CMSS1: variants seen among roughly 807,000 people sequenced by gnomAD.
CMSS1 encodes the protein protein CMSS1.
CMSS1 carries 33 observed loss-of-function variants against 43.5 expected under a neutral mutation model. The observed-to-expected ratio is 0.76, with a 90% confidence interval of 0.57 to 1.01. The LOEUF is 1.01. Among genes scored for constraint, CMSS1 ranks in the 50% least tolerant of loss-of-function variants. The pLI, the probability that CMSS1 is intolerant of heterozygous loss-of-function variation, is 0.00. For synonymous variants in CMSS1, 115 were observed against 117.2 expected (o/e 0.98, Z 0.12); for missense variants, 313 against 326.4 (o/e 0.96, Z 0.32).
intron 1 of CMSS1, chr3:99,850,760 G>A: frequency 5.0e-6 from 8 of 1,614,124 alleles, no homozygotes; most frequent in Non-Finnish European, 6.8e-6. Context: ...ATTGTGTCTT[G>A]GTCTTGGTGA....
At chr3:100,138,282 G>A (rs1287135114) in intron 1 of CMSS1, among the ~76,000 whole-genome samples, 1 of 152,148 alleles carries the variant, frequency 6.6e-6, no homozygotes, top group Non-Finnish European at 1.5e-5. Context: ...ATAGGCATGG[G>A]CAAAGACTTC....
intron 1 of CMSS1, among the ~76,000 whole-genome samples, chr3:99,844,199 T>C (rs899623519): frequency 6.6e-6 from 1 of 152,172 alleles, no homozygotes; most frequent in Non-Finnish European, 1.5e-5. Context: ...AAGTACCGTT[T>C]TAGGGCACAA....
intron 1 of CMSS1, among the ~76,000 whole-genome samples, chr3:100,019,021 T>C (rs1314622230): frequency 6.6e-6 from 1 of 152,168 alleles, no homozygotes; most frequent in Non-Finnish European, 1.5e-5. Context: ...TTAGAATGAC[T>C]GTTATCAAAA....
intron 1 of CMSS1, among the ~76,000 whole-genome samples, chr3:100,066,517 CTTTTTTTTTTTT>C (rs545356638): frequency 7.8e-5 from 3 of 38,306 alleles, no homozygotes; most frequent in East Asian, 8.1e-4. Context: ...GGCTTTGCTT[CTTTTTTTTTTTT>C]TTTTTTTTTT....
chr3:99,833,338 T>C, intron 1 of CMSS1: 1 of 1,290,774 alleles, frequency 7.7e-7, no homozygotes. Flanking sequence ...GTTTTATCCA[T>C]AGATTCTCAA....
chr3:100,019,594 A>G (rs2064769392), intron 1 of CMSS1, among the ~76,000 whole-genome samples: 1 of 152,222 alleles, frequency 6.6e-6, no homozygotes, highest in South Asian at 2.1e-4. Flanking sequence ...AGACAGTAGT[A>G]GATACTTTTT....
intron 1 of CMSS1, among the ~76,000 whole-genome samples, chr3:99,904,139 G>C (rs1706533250): frequency 1.3e-5 from 2 of 152,192 alleles, no homozygotes; most frequent in African/African-American, 4.8e-5. Context: ...TGGCAATAGT[G>C]AGTGTGATGA....
At chr3:99,978,448 C>G (rs1709030552) in intron 1 of CMSS1, among the ~76,000 whole-genome samples, 1 of 152,126 alleles carries the variant, frequency 6.6e-6, no homozygotes, top group Non-Finnish European at 1.5e-5. Flanking sequence ...GAATACTAGT[C>G]AGCCATAAAA....
chr3:99,931,342 T>G (rs1707476746), intron 1 of CMSS1, among the ~76,000 whole-genome samples: 1 of 152,186 alleles, frequency 6.6e-6, no homozygotes, highest in Non-Finnish European at 1.5e-5. Flanking sequence ...AGGTCAGACC[T>G]CCAACCATGA....
At chr3:99,839,339 A>G (rs539989873) in intron 1 of CMSS1, among the ~76,000 whole-genome samples, 2 of 152,324 alleles carry the variant, frequency 1.3e-5, no homozygotes, top group East Asian at 3.9e-4. Context: ...GCAATATTGC[A>G]TGCTTCATAA....
chr3:99,850,548 C>T (rs763542461), intron 1 of CMSS1: 13 of 1,613,802 alleles, frequency 8.1e-6, no homozygotes, highest in Non-Finnish European at 1.1e-5. Context: ...GCACACGTTT[C>T]CTGAGCTCTT....
At chr3:100,012,283 G>T (rs912897622) in intron 1 of CMSS1, among the ~76,000 whole-genome samples, 3 of 151,982 alleles carry the variant, frequency 2.0e-5, no homozygotes, top group Admixed American at 1.3e-4. Context: ...CAACCAATTA[G>T]AAGGCCTGCC....
intron 1 of CMSS1, among the ~76,000 whole-genome samples, chr3:99,819,662 A>G (rs1942392796): frequency 6.6e-6 from 1 of 152,024 alleles, no homozygotes; most frequent in Non-Finnish European, 1.5e-5. Flanking sequence ...TCCCGCTACT[A>G]CTTTGTGACT....
intron 1 of CMSS1, among the ~76,000 whole-genome samples, chr3:100,042,718 T>C (rs944796955): frequency 5.9e-5 from 9 of 152,218 alleles, no homozygotes; most frequent in African/African-American, 2.2e-4. Context: ...TTCTTTTCTT[T>C]TGCCACATAG....
chr3:100,146,854 G>C, intron 1 of CMSS1, 119 bp from the exon 2 acceptor site: 2 of 1,281,444 alleles, frequency 1.6e-6, no homozygotes, highest in South Asian at 3.4e-5. Flanking sequence ...CTTAAGTGCA[G>C]CTTCTTTGAG....
chr3:99,973,086 A>G (rs370113834), intron 1 of CMSS1, among the ~76,000 whole-genome samples: 1 of 152,228 alleles, frequency 6.6e-6, no homozygotes, highest in Non-Finnish European at 1.5e-5. Context: ...ATGGAATGAC[A>G]ATTATTAAAA....
At chr3:100,006,498 C>A (rs993228737) in intron 1 of CMSS1, among the ~76,000 whole-genome samples, 3 of 152,068 alleles carry the variant, frequency 2.0e-5, no homozygotes, top group Non-Finnish European at 2.9e-5. Context: ...TTTTCTGCCC[C>A]AAAGTCTCCT....
chr3:99,958,510 A>G (rs1391896802), intron 1 of CMSS1, among the ~76,000 whole-genome samples: 1 of 152,184 alleles, frequency 6.6e-6, no homozygotes, highest in African/African-American at 2.4e-5. Context: ...TTGAGAGCCA[A>G]CAAGAATTAT....
rs149721687 is a variant in CMSS1, at chr3:100,088,322, G to T, written c.65-58651G>T. ...TTTCAGAAGTTAATATAGGTTTTCA[G>T]TGTAACGCTCAGACATTATGGAATA... On this transcript the variant is annotated intron_variant, in intron 1 of 9. Coordinates refer to ENST00000421999, the MANE Select transcript of CMSS1 (RefSeq NM_032359.4). 2.5e-3 allele frequency among the ~76,000 whole-genome samples: 373 copies of T among 152,200 alleles called. 1 individual carries two copies. Among genetic ancestry groups the T allele is most frequent in the African/African-American group, 8.5e-3 (351 of 41,518 alleles).
Sources: gnomAD v4.1 joint callset for allele counts (sites outside exome capture counted in the v4.1 genomes callset) on GRCh38, gnomAD v4.1.1 for gene constraint, MANE v1.5 for transcripts, NCBI Gene and HGNC (gene_info 2026-07-23, HGNC 2026-07-21) for gene names.